MYO7A: variants seen among roughly 807,000 people sequenced by gnomAD.
MYO7A encodes the protein myosin VIIA.
Under a neutral mutation model 263.8 loss-of-function variants are expected in MYO7A, and 210 were observed. The ratio of observed to expected loss-of-function variants is 0.80; its 90% confidence interval spans 0.71 to 0.89. The LOEUF (loss-of-function observed/expected upper bound fraction) is 0.89, where lower values mean the gene tolerates loss of function less well. Ranked by LOEUF, MYO7A falls within the 40% of genes least tolerant of loss-of-function variation. The pLI, the probability that MYO7A is intolerant of heterozygous loss-of-function variation, is 0.00. For missense variants in MYO7A, 2,820 were observed against 2,968.3 expected, an observed-to-expected ratio of 0.95 and a Z score of 1.16; for synonymous variants, 1,239 against 1,197.3, an observed-to-expected ratio of 1.03 and a Z score of -0.72.
intron 15 of MYO7A, among the ~76,000 whole-genome samples, chr11:77,170,049 C>T (rs969224383): frequency 4.9e-4 from 75 of 152,102 alleles, no homozygotes; most frequent in African/African-American, 1.6e-3. Flanking sequence ...CCAGCCTGGG[C>T]GACAGAGTGA....
In MYO7A at chr11:77,174,927, G is replaced by A; in HGVS notation, c.2094+13G>A. ...GGCCTACAAGCAGGTACAGGGCTGAGTGCACAGAGGGCAGGAGGGGAGGGT... is the reference window on the plus strand; with the variant it reads ...GGCCTACAAGCAGGTACAGGGCTGAATGCACAGAGGGCAGGAGGGGAGGGT... On this transcript the variant is annotated intron_variant, in intron 17 of 48. Coordinates refer to ENST00000409709, the MANE Select transcript of MYO7A (RefSeq NM_000260.4). The A allele has an allele frequency of 6.2e-7, 1 of 1,609,484 alleles. No individual in the cohort carries two copies. Among genetic ancestry groups the A allele is most frequent in the Non-Finnish European group, 8.5e-7 (1 of 1,176,438 alleles).
chr11:77,156,993 G>A lies in MYO7A; in HGVS notation c.724G>A (p.Val242Ile). ...IEQYLLEKSR[V>I]CRQALDERNY... ...GCAGTACCTGCTGGAAAAGTCACGTGTCTGTCGCCAGGTGGGCCTGAGCCC... is the reference window on the plus strand; with the variant it reads ...GCAGTACCTGCTGGAAAAGTCACGTATCTGTCGCCAGGTGGGCCTGAGCCC... The change falls in exon 7 of 49, where the codon GTC (valine) becomes ATC (isoleucine). Residue 242 changes from valine to isoleucine, a missense_variant. Val to Ile is a conservative substitution (Grantham distance 29, BLOSUM62 3). Coordinates refer to ENST00000409709, the MANE Select transcript of MYO7A (RefSeq NM_000260.4). 2.5e-6 allele frequency: 4 copies of A among 1,613,256 alleles called. No individual in the cohort carries two copies. In the South Asian group the frequency reaches 4.4e-5, roughly 18 times the overall value.
At position 77,161,103 on chromosome 11, in the gene MYO7A, T is replaced by C; in HGVS notation, c.1331T>C (p.Phe444Ser). ...GLLDIFGFEN[F>S]AVNSFEQLCI... ...CTGGACATCTTTGGGTTTGAGAACT[T>C]TGCTGTGAACAGGTACCGCGTGGGG... Residue 444 changes from phenylalanine (F) to serine (S), a missense_variant, in exon 12 of 49, where the codon TTT (phenylalanine) becomes TCT (serine). By Grantham distance (155) the Phe-to-Ser change is radical. Transcript: ENST00000409709. 6.2e-7 allele frequency: 1 copy of C among 1,614,014 alleles called. No individual in the cohort carries two copies. The highest frequency in any genetic ancestry group is 8.5e-7 in the Non-Finnish European group (1 of 1,179,878).
intron 3 of MYO7A, among the ~76,000 whole-genome samples, chr11:77,143,075 G>T (rs1951327515): frequency 6.6e-6 from 1 of 152,180 alleles, no homozygotes; most frequent in South Asian, 2.1e-4. Flanking sequence ...ATGTGTGTGT[G>T]TGTGGTGGGG....
chr11:77,200,983 G>A (rs1957023830), intron 35 of MYO7A, among the ~76,000 whole-genome samples: 1 of 152,258 alleles, frequency 6.6e-6, no homozygotes, highest in Non-Finnish European at 1.5e-5. Flanking sequence ...AGTGCAGTGA[G>A]CAGGGAAGCC....
At position 77,160,201 on chromosome 11, in the gene MYO7A, C is replaced by T. The variant is rs782160537; in HGVS notation, c.1119C>T (p.Arg373=). 2 of 1,578,328 alleles carry T rather than the reference C, an allele frequency of 1.3e-6. No homozygotes were observed. The highest frequency in any genetic ancestry group is 1.7e-6 in the Non-Finnish European group (2 of 1,162,742). Residue 373 remains arginine (R), a synonymous_variant, in exon 11 of 49, where the codon CGC becomes CGT. Transcript: ENST00000409709. The stretch of plus-strand genomic sequence containing the variant: ...ACCTGATGAGCTGCCTGACTAGCCG[C>T]ACCCTCATCACCCGCGGGGAGACGG... ...PPDLMSCLTS[R]TLITRGETVS... is the part of the protein sequence containing the mutation.
At chr11:77,210,663 C>G (rs1485177722) in intron 44 of MYO7A, among the ~76,000 whole-genome samples, 5 of 152,148 alleles carry the variant, frequency 3.3e-5, no homozygotes, top group Non-Finnish European at 4.4e-5. Flanking sequence ...CATTCCCCAG[C>G]CTAAGTTCCT....
chr11:77,129,438 A>G (rs1217211972), intron 1 of MYO7A, among the ~76,000 whole-genome samples: 2 of 152,120 alleles, frequency 1.3e-5, no homozygotes, highest in Non-Finnish European at 2.9e-5. Context: ...ATTGATGCGC[A>G]TTCTAGGAGA....
rs397516314 is a variant in MYO7A, at chr11:77,199,766, G to T, written c.4800G>T (p.Gly1600=). 2.8e-5 allele frequency: 45 copies of T among 1,611,764 alleles called. No homozygotes were observed. Among genetic ancestry groups the T allele is most frequent in the Non-Finnish European group, 3.6e-5 (42 of 1,178,420 alleles). ...IRDLVVTFLE[G]LRKRSKYVVA... ...ACCTGGTGGTCACCTTCCTAGAGGG[G>T]CTCCGGAAGAGATCTAAGTATGTTG... Residue 1600 remains glycine, a synonymous_variant, in exon 35 of 49, where the codon GGG becomes GGT. Coordinates refer to ENST00000409709, the MANE Select transcript of MYO7A (RefSeq NM_000260.4).
At position 77,194,345 on chromosome 11, in the gene MYO7A, C is replaced by G. The variant is rs771172777; in HGVS notation, c.4153-9C>G. The G allele has an allele frequency of 1.2e-6, 2 of 1,609,498 alleles. No homozygotes were observed. The highest frequency in any genetic ancestry group is 1.7e-6 in the Non-Finnish European group (2 of 1,178,050). On this transcript the variant is annotated splice_polypyrimidine_tract_variant and intron_variant, in intron 31 of 48. Coordinates refer to ENST00000409709, the MANE Select transcript of MYO7A (RefSeq NM_000260.4). ...GGCCAATGCATGACCGAGGCCTCCC[C>G]CCACCTAGGAGGACGACCTGGCTGA... is the stretch of plus-strand genomic sequence containing the variant.
In MYO7A at chr11:77,179,920, C is replaced by T. The variant is rs986413500; in HGVS notation, c.2553C>T (p.Ile851=). 4 of 1,532,682 alleles carry T rather than the reference C, an allele frequency of 2.6e-6. No individual in the cohort carries two copies. Among genetic ancestry groups the T allele is most frequent in the Admixed American group, 2.0e-5 (1 of 50,830 alleles). 94.9% of individuals were successfully genotyped at this position (1,532,682 alleles called of 1,614,324 possible). Residue 851 remains isoleucine, a synonymous_variant, in exon 21 of 49, where the codon ATC becomes ATT. Coordinates refer to ENST00000409709, the MANE Select transcript of MYO7A (RefSeq NM_000260.4). Reference sequence around the variant, plus strand: ...TGCAGGCCTATGCCCGGGGCATGATCGCCCGCAGGCTGCACCAACGCCTCA... The same window carrying T: ...TGCAGGCCTATGCCCGGGGCATGATTGCCCGCAGGCTGCACCAACGCCTCA... ...LTVQAYARGM[I]ARRLHQRLRA...
intron 18 of MYO7A, among the ~76,000 whole-genome samples, chr11:77,177,112 G>A (rs1954712155): frequency 2.0e-5 from 3 of 152,098 alleles, no homozygotes; most frequent in East Asian, 1.9e-4. Flanking sequence ...GTGAAGGAGC[G>A]CCAGAGAGGG....
intron 27 of MYO7A, 40 bp from the exon 28 acceptor site, chr11:77,189,304 G>A (rs1955857208): frequency 6.2e-7 from 1 of 1,610,242 alleles, no homozygotes. Flanking sequence ...GGCTGTTCCT[G>A]TGGGGTGATT....
At position 77,193,251 on chromosome 11, in the gene MYO7A, T is replaced by C. The variant is rs867556611; in HGVS notation, c.4152+973T>C. Among the ~76,000 whole-genome samples, 58 of 109,624 alleles carry C rather than the reference T, an allele frequency of 5.3e-4. No homozygotes were observed. The South Asian group carries it at 0.015, about 28-fold the overall frequency. 71.9% of individuals were successfully genotyped at this position (109,624 alleles called of 152,430 possible). ...ATATTGGAGGTAGGGATGATGTTAG[T>C]GATGGTGGTGGTGGTGGTGATGGTG... is the stretch of plus-strand genomic sequence containing the variant. On this transcript the variant is annotated intron_variant, in intron 31 of 48. Coordinates refer to ENST00000409709, the MANE Select transcript of MYO7A (RefSeq NM_000260.4).
In MYO7A at chr11:77,161,190, C is replaced by G. The variant is rs199562021; in HGVS notation, c.1343+75C>G. On this transcript the variant is annotated intron_variant, in intron 12 of 48. Transcript: ENST00000409709. ...TAAGAAATATCACGTCTCTCCCTTG[C>G]GAAGCACATTTAGTTGGCTCCTGGC... 7.0e-6 allele frequency: 11 copies of G among 1,573,328 alleles called. No homozygotes were observed. In the East Asian group the frequency reaches 1.8e-4, roughly 26 times the overall value.
intron 15 of MYO7A, 42 bp downstream of exon 15, chr11:77,166,204 C>T (rs374669055): frequency 2.2e-4 from 333 of 1,545,464 alleles, no homozygotes; most frequent in African/African-American, 2.1e-3. Flanking sequence ...AGGGCCCCCA[C>T]GGGCCAGGCC....
intron 39 of MYO7A, 66 bp downstream of exon 39, chr11:77,204,295 T>G: frequency 6.5e-7 from 1 of 1,529,010 alleles, no homozygotes; most frequent in Non-Finnish European, 8.9e-7. Context: ...GCTCTTACCC[T>G]CCTGAGGCAG....
rs370744531 is a variant in MYO7A, at chr11:77,151,675, G to T, written c.285+3725G>T. Among the ~76,000 whole-genome samples, 71 of 152,344 alleles carry T rather than the reference G, an allele frequency of 4.7e-4. No individual in the cohort carries two copies. In the South Asian group the frequency reaches 0.015, roughly 31 times the overall value. ...TTTACTACTAGAGATTGGAACAAGA[G>T]GTCTGTGCTGGGCATTAATTCTCTG... On this transcript the variant is annotated intron_variant, in intron 4 of 48. Transcript: ENST00000409709.
chr11:77,189,222 G>T (rs12792197), intron 27 of MYO7A, 122 bp from the exon 28 acceptor site: 7 of 1,404,152 alleles, frequency 5.0e-6, no homozygotes, highest in Non-Finnish European at 5.8e-6. Context: ...GCCTCCTCCC[G>T]GGTGGTCTTG....
Sources: gnomAD v4.1 joint callset for allele counts (sites outside exome capture counted in the v4.1 genomes callset) on GRCh38, gnomAD v4.1.1 for gene constraint, MANE v1.5 for transcripts, NCBI Gene and HGNC (gene_info 2026-07-23, HGNC 2026-07-21) for gene names.